The following IGSF9B variants were observed in gnomAD, a reference collection of about 807,000 sequenced individuals.
IGSF9B encodes the protein immunoglobulin superfamily member 9B.
Under a neutral mutation model 143.7 loss-of-function variants are expected in IGSF9B, and 48 were observed. The observed-to-expected ratio is 0.33, with a 90% CI of 0.26 to 0.42. The LOEUF is 0.42. Among genes scored for constraint, IGSF9B ranks in the 20% least tolerant of loss-of-function variants. The pLI is 1.00. For synonymous variants in IGSF9B, 903 were observed against 833.1 expected (o/e 1.08, Z -1.44); for missense variants, 1,706 against 1,980.0 (o/e 0.86, Z 2.63).
At chr11:133,924,686 G>C in intron 15 of IGSF9B, 134 bp downstream of exon 15, 1 of 705,944 alleles carries the variant, frequency 1.4e-6, no homozygotes, top group Non-Finnish European at 2.5e-6. Context: ...TATGACTCAC[G>C]CAGCTGCAAC....
intron 18 of IGSF9B, among the ~76,000 whole-genome samples, chr11:133,914,502 G>A (rs1336459031): frequency 2.0e-5 from 3 of 152,182 alleles, no homozygotes; most frequent in Admixed American, 6.5e-5. Context: ...AGAGGAGCCT[G>A]CTTAAGTTGT....
intron 18 of IGSF9B, 104 bp from the exon 19 acceptor site, chr11:133,912,111 T>C: frequency 1.5e-6 from 2 of 1,360,736 alleles, no homozygotes; most frequent in East Asian, 2.5e-5. Context: ...AAGGACAGAG[T>C]TCAGTCCTAC....
rs138707539 is a variant in IGSF9B at position 133,925,400 on chromosome 11, C to T, written c.2034+339G>A. On this transcript the variant is annotated intron_variant, in intron 14 of 19. Coordinates refer to ENST00000533871, the MANE Select transcript of IGSF9B (RefSeq NM_001277285.4). Reference sequence around the variant, plus strand: ...GAAGAGAATTCTTCTTGGAACTTCTCTGCCCACCCCAGGTTAGGCTCAGCA... The same window carrying T: ...GAAGAGAATTCTTCTTGGAACTTCTTTGCCCACCCCAGGTTAGGCTCAGCA... 4.3e-4 allele frequency among the ~76,000 whole-genome samples: 65 copies of T among 152,352 alleles called. No individual in the cohort carries two copies. The East Asian group carries it at 0.011, about 26-fold the overall frequency.
chr11:133,911,788 G>A lies in IGSF9B; in HGVS notation c.4105+98C>T. ...AGAGAAAGCCCAAGGTTGGGGCCCT[G>A]AGCCCAATAACCCTCCTGACAACGG... On this transcript the variant is annotated intron_variant, in intron 19 of 19. Transcript: ENST00000533871. 6 of 1,218,164 alleles carry A rather than the reference G, an allele frequency of 4.9e-6. No homozygotes were observed. In the South Asian group the frequency reaches 1.2e-4, roughly 25 times the overall value. 75.5% of individuals were successfully genotyped at this position (1,218,164 alleles called of 1,614,324 possible).
chr11:133,909,317 G>A lies in IGSF9B; in HGVS notation c.4106-40C>T, dbSNP rs544824039. 4.4e-5 allele frequency: 64 copies of A among 1,468,900 alleles called. No homozygotes were observed. Among genetic ancestry groups the A allele is most frequent in the African/African-American group, 2.0e-4 (14 of 71,694 alleles). The allele number at this position is 1,468,900 out of a possible 1,614,324, so 91.0% of individuals were successfully genotyped here. A position where few individuals can be genotyped will look rare whatever the true frequency, so the allele number is the denominator to read the frequency against. On this transcript the variant is annotated intron_variant, in intron 19 of 19. Transcript: ENST00000533871. This position sits in a 1 kb window ranked among gnomAD's most constrained non-coding sequence, Gnocchi z 4.2. ...AGAGGGACGCAAAAGAGAAGCAAGC[G>A]GATGAAAAGGAAGCACGCAGCCTGC...
chr11:133,931,883 C>A lies in IGSF9B; in HGVS notation c.1111-88G>T, dbSNP rs192591536. Reference sequence around the variant, plus strand: ...TGGGTCCCAGCTGGGCCAGGCAGCACGCAGGATAGTACAGGAGCTCCAGCC... The same window carrying A: ...TGGGTCCCAGCTGGGCCAGGCAGCAAGCAGGATAGTACAGGAGCTCCAGCC... On this transcript the variant is annotated intron_variant, in intron 8 of 19. Coordinates refer to ENST00000533871, the MANE Select transcript of IGSF9B (RefSeq NM_001277285.4). This position sits in a 1 kb window ranked among gnomAD's most constrained non-coding sequence, Gnocchi z 7.7. The A allele has an allele frequency of 9.6e-6, 15 of 1,562,220 alleles. No homozygotes were observed. The African/African-American group carries it at 1.8e-4, about 19-fold the overall frequency.
In IGSF9B at chr11:133,927,029, C is replaced by G. The variant is rs2121302819; in HGVS notation, c.1694G>C (p.Ser565Thr). 2 of 1,568,478 alleles carry G rather than the reference C, an allele frequency of 1.3e-6. No individual in the cohort carries two copies. Among genetic ancestry groups the G allele is most frequent in the East Asian group, 2.4e-5 (1 of 42,022 alleles). ...CTCCAGGGTGTCCACCAGCAGCCAG[C>G]TGGGTCCTGGCGGCACTGGCAAGGA... ...WLSLPVPPGP[S>T]WLLVDTLEPE... is the part of the protein sequence containing the mutation. Residue 565 changes from serine to threonine, a missense_variant, in exon 13 of 20, where the codon AGC becomes ACC. Ser to Thr is a moderately conservative substitution (Grantham distance 58). Around this residue, in one of 7 missense-constraint regions of IGSF9B, gnomAD observed 267 missense variants for 321.1 expected, o/e 0.83. Transcript: ENST00000533871.
Position 133,948,722 on chromosome 11 carries a change from G to A in IGSF9B, c.65-2464C>T, listed in dbSNP as rs895461494. ...TACAAGAGCCTAGGGGAAGAGGAGG[G>A]AGTTATTCCCAGGTGCCAGGTTACC... On this transcript the variant is annotated intron_variant, in intron 1 of 19. Coordinates refer to ENST00000533871, the MANE Select transcript of IGSF9B (RefSeq NM_001277285.4). The surrounding 1 kb of genome is among the most constrained non-coding windows in gnomAD (Gnocchi z 4.7). 5.3e-5 allele frequency among the ~76,000 whole-genome samples: 8 copies of A among 152,024 alleles called. No homozygotes were observed. Among genetic ancestry groups the A allele is most frequent in the Non-Finnish European group, 2.9e-5 (2 of 68,022 alleles).
At chr11:133,929,114 TATA>T (rs1939678655) in intron 12 of IGSF9B, among the ~76,000 whole-genome samples, 1 of 152,144 alleles carries the variant, frequency 6.6e-6, no homozygotes, top group Non-Finnish European at 1.5e-5. Context: ...CCACTATGAG[TATA>T]ATTGGATTGT....
chr11:133,922,117 G>C, intron 17 of IGSF9B, 60 bp downstream of exon 17: 1 of 1,431,846 alleles, frequency 7.0e-7, no homozygotes, highest in South Asian at 1.2e-5. Flanking sequence ...AAGGCGAGCG[G>C]TCTACCTATG....
At chr11:133,923,850 C>T (rs765942658) in intron 15 of IGSF9B, among the ~76,000 whole-genome samples, 3 of 152,246 alleles carry the variant, frequency 2.0e-5, no homozygotes, top group Admixed American at 6.5e-5. Context: ...CACAACACCC[C>T]TTCTTCAGCT....
chr11:133,934,991 C>G (rs1463968696), intron 7 of IGSF9B, among the ~76,000 whole-genome samples: 1 of 152,228 alleles, frequency 6.6e-6, no homozygotes, highest in Non-Finnish European at 1.5e-5. Context: ...TGCCAGGGGG[C>G]GGGAAAGCAA....
In IGSF9B at chr11:133,920,582, C is replaced by G. The variant is rs199732960; in HGVS notation, c.3143G>C (p.Gly1048Ala). 2,030 of 1,613,430 alleles carry G rather than the reference C, an allele frequency of 1.3e-3. 1 individual carries two copies. Among genetic ancestry groups the G allele is most frequent in the Non-Finnish European group, 1.6e-3 (1,866 of 1,179,762 alleles). ...CATCATCGCTGGGGTCTCCAGCCCCCCGAAGGGGAATTCTGGCCGGCCCCA... is the reference window on the plus strand; with the variant it reads ...CATCATCGCTGGGGTCTCCAGCCCCGCGAAGGGGAATTCTGGCCGGCCCCA... ...EPWGRPEFPFGGLETPAMMFP... is the reference protein window; with the variant it reads ...EPWGRPEFPFAGLETPAMMFP... The change falls in exon 18 of 20, where the codon GGG becomes GCG. Residue 1048 changes from glycine (G) to alanine (A), a missense_variant. Gly to Ala is a moderately conservative substitution (Grantham distance 60). Around this residue, in one of 7 missense-constraint regions of IGSF9B, gnomAD observed 880 missense variants for 762.9 expected, o/e 1.15. Coordinates refer to ENST00000533871, the MANE Select transcript of IGSF9B (RefSeq NM_001277285.4).
intron 3 of IGSF9B, among the ~76,000 whole-genome samples, chr11:133,940,347 G>A (rs1266942119): frequency 8.1e-5 from 11 of 135,554 alleles, no homozygotes; most frequent in Non-Finnish European, 6.2e-5. Flanking sequence ...GTCCTCGCAC[G>A]CGTCATCGCA....
rs568627941 is a variant in IGSF9B, at chr11:133,908,096, A to T, written c.*973T>A. Among the ~76,000 whole-genome samples, 37 of 152,276 alleles carry T rather than the reference A, an allele frequency of 2.4e-4. No homozygotes were observed. Among genetic ancestry groups the T allele is most frequent in the Middle Eastern group, 3.4e-3 (1 of 294 alleles). On this transcript the variant is annotated 3_prime_UTR_variant, in exon 20 of 20. Transcript: ENST00000533871. ...TAGCACAGGTGGCTCCGCAGTGGGG[A>T]GACTTTGGCCACAGAGCTCACGGCC...
chr11:133,900,549 C>T lies in IGSF9B; in HGVS notation c.*8520G>A, dbSNP rs984776216. 1 of 152,680 alleles carries T rather than the reference C, an allele frequency of 6.5e-6. No individual in the cohort carries two copies. Among genetic ancestry groups the T allele is most frequent in the African/African-American group, 2.4e-5 (1 of 41,462 alleles). 9.5% of individuals were successfully genotyped at this position (152,680 alleles called of 1,614,324 possible). On this transcript the variant is annotated 3_prime_UTR_variant, in exon 20 of 20. Transcript: ENST00000533871. Reference sequence around the variant, plus strand: ...CATTGTGGGTCCAGTTCTGCCAATACATTGTTCAGTTTTGTAAGTCCCCGG... The same window carrying T: ...CATTGTGGGTCCAGTTCTGCCAATATATTGTTCAGTTTTGTAAGTCCCCGG...
intron 1 of IGSF9B, among the ~76,000 whole-genome samples, chr11:133,950,210 G>A (rs552720232): frequency 6.6e-6 from 1 of 152,242 alleles, no homozygotes; most frequent in Non-Finnish European, 1.5e-5. Flanking sequence ...CCTCCGCCGG[G>A]GAAGGGCTGG....
At position 133,931,320 on chromosome 11, in the gene IGSF9B, T is replaced by C; in HGVS notation, c.1368+133A>G. ...TAGCCTGGTCAGGGCAGGTCCAGAA[T>C]AGAACTGCTCGCTGGGCCCTCACAC... On this transcript the variant is annotated intron_variant, in intron 10 of 19. Coordinates refer to ENST00000533871, the MANE Select transcript of IGSF9B (RefSeq NM_001277285.4). The surrounding 1 kb of genome is among the most constrained non-coding windows in gnomAD (Gnocchi z 7.7). The C allele has an allele frequency of 1.2e-6, 1 of 855,108 alleles. No homozygotes were observed. The highest frequency in any genetic ancestry group is 1.8e-6 in the Non-Finnish European group (1 of 545,914). 53.0% of individuals were successfully genotyped at this position (855,108 alleles called of 1,614,324 possible).
At chr11:133,947,437 C>T (rs549445737) in intron 1 of IGSF9B, among the ~76,000 whole-genome samples, 5 of 152,318 alleles carry the variant, frequency 3.3e-5, no homozygotes, top group East Asian at 1.9e-4. Flanking sequence ...GCCGGGCACC[C>T]GACTCTCCAG....
Sources: allele counts gnomAD v4.1 joint callset (sites outside exome capture counted in the v4.1 genomes callset), GRCh38; gene constraint gnomAD v4.1.1; regional missense constraint gnomAD v4.1.1; non-coding constraint Gnocchi (gnomAD v3.1); transcripts MANE v1.5; gene names NCBI Gene and HGNC (gene_info 2026-07-23, HGNC 2026-07-21).